SYT12: variants seen among roughly 807,000 people sequenced by gnomAD.
The protein encoded by SYT12 is synaptotagmin-12.
A neutral mutation model predicts 39.5 loss-of-function variants in SYT12; 27 were observed. The observed-to-expected ratio is 0.68, with a 90% confidence interval of 0.50 to 0.94. The LOEUF (loss-of-function observed/expected upper bound fraction) is 0.94, where lower values mean the gene tolerates loss of function less well. SYT12 is among the 40% of genes least tolerant of loss of function. SYT12 has a pLI of 0.00. For synonymous variants in SYT12, 233 were observed against 239.7 expected, an observed-to-expected ratio of 0.97 and a Z score of 0.26; for missense variants, 536 against 572.6, an observed-to-expected ratio of 0.94 and a Z score of 0.65.
At position 67,039,862 on chromosome 11, in the gene SYT12, C is replaced by T. The variant is rs1218680986; in HGVS notation, c.280C>T (p.Arg94Cys). ...GGCCAGCACGCGGGGACCACCCAGCCGCAAAGGCAGTCTCAGCATTGAGGA... is the reference window on the plus strand; with the variant it reads ...GGCCAGCACGCGGGGACCACCCAGCTGCAAAGGCAGTCTCAGCATTGAGGA... ...QRASTRGPPS[R>C]KGSLSIEDTF... Residue 94 changes from arginine to cysteine, a missense_variant, in exon 4 of 8, where the codon CGC (arginine) becomes TGC (cysteine). Arg to Cys is a radical substitution (Grantham distance 180, BLOSUM62 -3). Coordinates refer to ENST00000527043, the MANE Select transcript of SYT12 (RefSeq NM_177963.4). The T allele has an allele frequency of 4.3e-6, 7 of 1,613,326 alleles. No individual in the cohort carries two copies. The highest frequency in any genetic ancestry group is 2.2e-5 in the East Asian group (1 of 44,882).
Position 67,048,810 on chromosome 11 carries a change from C to A in SYT12, c.*53C>A. ...GAGCTGCTGGAGCCCGGTACCCACT[C>A]AGCTCTGTCTGATGCCCTCTCCATA... is the stretch of plus-strand genomic sequence containing the variant. On this transcript the variant is annotated 3_prime_UTR_variant, in exon 8 of 8. Transcript: ENST00000527043. 6.4e-7 allele frequency: 1 copy of A among 1,561,528 alleles called. No homozygotes were observed. Among genetic ancestry groups the A allele is most frequent in the South Asian group, 1.1e-5 (1 of 87,640 alleles).
chr11:67,044,479 A>C (rs1950572323), intron 5 of SYT12, 114 bp from the exon 6 acceptor site: 2 of 1,445,978 alleles, frequency 1.4e-6, no homozygotes, highest in South Asian at 1.5e-5. Flanking sequence ...CCCCCAGTGC[A>C]GCCACTTCTC....
Position 67,043,710 on chromosome 11 carries a change from G to T in SYT12, c.694G>T (p.Glu232Ter). 6.2e-7 allele frequency: 1 copy of T among 1,614,166 alleles called. No homozygotes were observed. The highest frequency in any genetic ancestry group is 8.5e-7 in the Non-Finnish European group (1 of 1,180,042). Residue 232 changes from glutamate (E) to a stop codon, truncating the protein, a stop_gained, in exon 5 of 8, where the codon GAG (glutamate) becomes TAG (stop). Transcript: ENST00000527043. LOFTEE classifies it high-confidence loss of function. ...SIPLDPTALE[E>*]KSLRFSVFGI... Reference sequence around the variant, plus strand: ...CCCCCTGGATCCCACAGCCCTGGAGGAGAAGAGCCTGCGGTTTTCTGTATT... The same window carrying T: ...CCCCCTGGATCCCACAGCCCTGGAGTAGAAGAGCCTGCGGTTTTCTGTATT...
In SYT12 at chr11:67,030,169, C is replaced by T. The variant is rs1382146094; in HGVS notation, c.25C>T (p.His9Tyr). The T allele has an allele frequency of 1.9e-6, 3 of 1,614,090 alleles. No individual in the cohort carries two copies. Among genetic ancestry groups the T allele is most frequent in the Middle Eastern group, 1.6e-4 (1 of 6,062 alleles). The change falls in exon 2 of 8, where the codon CAT (histidine) becomes TAT (tyrosine). Residue 9 changes from histidine (H) to tyrosine (Y), a missense_variant. Physicochemically the swap from His to Tyr is moderately conservative, Grantham distance 83 (BLOSUM62 2). Transcript: ENST00000527043. ...CATGGCTGTGGATGTGGCAGAATAC[C>T]ATCTGAGCGGTGAGTGCCCAGGGCA... MAVDVAEY[H>Y]LSVIKSPPGW...
At chr11:67,035,837 C>CTTTCTTTCTTT (rs1950363998) in intron 3 of SYT12, among the ~76,000 whole-genome samples, 5 of 111,144 alleles carry the variant, frequency 4.5e-5, no homozygotes, top group East Asian at 2.8e-4. Context: ...TTCCTTCCTT[C>CTTTCTTTCTTT]CTTTCTTTCT....
chr11:67,035,042 T>C (rs1591366564), intron 3 of SYT12, among the ~76,000 whole-genome samples: 1 of 135,244 alleles, frequency 7.4e-6, no homozygotes, highest in Non-Finnish European at 1.6e-5. Context: ...AGAGTTTCCC[T>C]CTTGTTGCCC....
At chr11:67,012,598 T>C (rs1343899490) in intron 3 of SYT12, among the ~76,000 whole-genome samples, 2 of 152,098 alleles carry the variant, frequency 1.3e-5, no homozygotes, top group African/African-American at 2.4e-5. Context: ...CTTCTTAAAA[T>C]GTAAGTGCTT....
intron 7 of SYT12, among the ~76,000 whole-genome samples, chr11:67,048,042 C>T (rs1765255486): frequency 6.7e-6 from 1 of 150,026 alleles, no homozygotes; most frequent in Non-Finnish European, 1.5e-5. Flanking sequence ...CCGCCCGCCT[C>T]GGCCTCCCAA....
chr11:67,022,838 A>T (rs1348794015), upstream of SYT12: 1 of 152,248 alleles, frequency 6.6e-6, no homozygotes, highest in Non-Finnish European at 1.5e-5. Flanking sequence ...GTAATTATCC[A>T]TTCAGAAAAG....
Position 67,043,637 on chromosome 11 carries a change from G to C in SYT12, c.622-1G>C, listed in dbSNP as rs1177516124. ...GCCCTCCATGGCCTTTTCTCCTGCA[G>C]ATCCAGAGAAATGCCTACTCCATCT... On this transcript the variant is annotated splice_acceptor_variant, in intron 4 of 7. Transcript: ENST00000527043. LOFTEE classifies it high-confidence loss of function. 1.2e-6 allele frequency: 2 copies of C among 1,613,966 alleles called. No individual in the cohort carries two copies. Among genetic ancestry groups the C allele is most frequent in the African/African-American group, 2.7e-5 (2 of 74,928 alleles).
intron 3 of SYT12, among the ~76,000 whole-genome samples, chr11:67,037,374 A>C (rs962472485): frequency 6.6e-6 from 1 of 152,124 alleles, no homozygotes; most frequent in Non-Finnish European, 1.5e-5. Context: ...GAGTAAATTA[A>C]ATTATGATTA....
chr11:67,012,898 G>T (rs1950023227), intron 3 of SYT12, among the ~76,000 whole-genome samples: 2 of 152,154 alleles, frequency 1.3e-5, no homozygotes, highest in South Asian at 4.1e-4. Context: ...GGGGGCTGTT[G>T]TGTTTCTTCC....
intron 3 of SYT12, among the ~76,000 whole-genome samples, chr11:67,013,513 A>C (rs1591349379): frequency 6.6e-6 from 1 of 151,962 alleles, no homozygotes; most frequent in South Asian, 2.1e-4. Flanking sequence ...CCCAGCCCCA[A>C]CCCTGACAGT....
chr11:67,045,845 A>G lies in SYT12; in HGVS notation c.1060A>G (p.Met354Val), dbSNP rs572304663. ...DDPNPVFNEA[M>V]IFSVPAIVLQ... ...CCCCAACCCGGTGTTCAACGAAGCC[A>G]TGATCTTCTCGGTGCCAGCCATTGT... Residue 354 changes from methionine (M) to valine (V), a missense_variant, in exon 7 of 8, where the codon ATG becomes GTG. Physicochemically the swap from Met to Val is conservative, Grantham distance 21 (BLOSUM62 1). Coordinates refer to ENST00000527043, the MANE Select transcript of SYT12 (RefSeq NM_177963.4). 9.5e-5 allele frequency: 153 copies of G among 1,613,326 alleles called. 2 individuals carry two copies. In the South Asian group the frequency reaches 1.6e-3, roughly 17 times the overall value.
chr11:67,035,532 A>G (rs988864654), intron 3 of SYT12, among the ~76,000 whole-genome samples: 2 of 135,494 alleles, frequency 1.5e-5, no homozygotes, highest in Non-Finnish European at 3.0e-5. Flanking sequence ...ATCTCGGCTC[A>G]CTGCAAGCTC....
At chr11:67,035,589 C>A in intron 3 of SYT12, among the ~76,000 whole-genome samples, 1 of 150,796 alleles carries the variant, frequency 6.6e-6, no homozygotes, top group Non-Finnish European at 1.5e-5. Flanking sequence ...TCCTGAGTAG[C>A]TGGGACTACA....
intron 2 of SYT12, chr11:67,031,772 C>T (rs1220474759): frequency 6.6e-6 from 1 of 152,230 alleles, no homozygotes; most frequent in Admixed American, 6.5e-5. Context: ...CCCTTCAGCT[C>T]CCAAAGAGCC....
intron 3 of SYT12, among the ~76,000 whole-genome samples, chr11:67,013,577 A>G (rs1478825114): frequency 6.6e-6 from 1 of 150,892 alleles, no homozygotes; most frequent in Non-Finnish European, 1.5e-5. Flanking sequence ...CTCCTGGCCC[A>G]CAAGCCCCCT....
chr11:67,018,035 G>A (rs541922835), intron 3 of SYT12, among the ~76,000 whole-genome samples: 21 of 151,570 alleles, frequency 1.4e-4, no homozygotes, highest in African/African-American at 5.1e-4. Context: ...GCCGAGGCAG[G>A]TGGATCACTT....
Sources: allele counts gnomAD v4.1 joint callset (sites outside exome capture counted in the v4.1 genomes callset), GRCh38; gene constraint gnomAD v4.1.1; transcripts MANE v1.5; gene names NCBI Gene and HGNC (gene_info 2026-07-23, HGNC 2026-07-21).